Variants in NEO1 observed in about 807,000 individuals in gnomAD.
NEO1 encodes neogenin.
In NEO1, 63 loss-of-function variants were observed where a neutral mutation model predicts 159.7. The observed-to-expected ratio is 0.39, with a 90% CI of 0.32 to 0.49. The LOEUF (loss-of-function observed/expected upper bound fraction) is 0.49. Among genes scored for constraint, NEO1 ranks in the 20% least tolerant of loss-of-function variants. The pLI is 0.85. For missense variants in NEO1, 1,615 were observed against 1,831.0 expected (o/e 0.88, Z 2.15); for synonymous variants, 633 against 662.0 (o/e 0.96, Z 0.67).
intron 5 of NEO1, among the ~76,000 whole-genome samples, chr15:73,137,343 C>G (rs2031875806): frequency 6.6e-6 from 1 of 151,942 alleles, no homozygotes; most frequent in African/African-American, 2.4e-5. Flanking sequence ...AATATAAACA[C>G]AGAACCAAAT....
chr15:73,215,845 T>C (rs1450342749), intron 7 of NEO1, among the ~76,000 whole-genome samples: 1 of 152,176 alleles, frequency 6.6e-6, no homozygotes, highest in East Asian at 1.9e-4. Context: ...TGGAATAGTG[T>C]CAAAAGGATT....
chr15:73,216,416 G>A (rs191721067), intron 7 of NEO1, among the ~76,000 whole-genome samples: 10 of 151,918 alleles, frequency 6.6e-5, no homozygotes, highest in South Asian at 4.1e-4. Flanking sequence ...TCTTTATAGC[G>A]GCATGATTTA....
At chr15:73,288,149 C>T (rs191293093) in intron 23 of NEO1, among the ~76,000 whole-genome samples, 164 bp from the exon 24 acceptor site, 1 of 151,844 alleles carries the variant, frequency 6.6e-6, no homozygotes, top group Non-Finnish European at 1.5e-5. Context: ...CAGGAGCAAA[C>T]TTGTTGTTGT....
chr15:73,216,655 G>A (rs1166070461), intron 7 of NEO1, among the ~76,000 whole-genome samples: 4 of 152,006 alleles, frequency 2.6e-5, no homozygotes, highest in African/African-American at 2.4e-5. Flanking sequence ...TCTCATTGTG[G>A]TTTTGATTTG....
intron 7 of NEO1, among the ~76,000 whole-genome samples, chr15:73,199,831 C>T (rs1382780): frequency 0.095 from 14,397 of 152,166 alleles, 909 homozygotes; most frequent in African/African-American, 0.17. Context: ...TGCCTTATTG[C>T]TCCACCCTAT....
At chr15:73,075,839 A>G (rs1310827642) in intron 1 of NEO1, among the ~76,000 whole-genome samples, 2 of 152,218 alleles carry the variant, frequency 1.3e-5, no homozygotes, top group Non-Finnish European at 2.9e-5. Context: ...AAGACCCCCA[A>G]GATCATCTGC....
intron 23 of NEO1, among the ~76,000 whole-genome samples, chr15:73,285,565 G>A (rs1007032631): frequency 2.0e-5 from 3 of 152,028 alleles, no homozygotes; most frequent in Non-Finnish European, 2.9e-5. Context: ...ATTGACTGTT[G>A]AAAAATATAA....
intron 7 of NEO1, among the ~76,000 whole-genome samples, chr15:73,230,115 A>G (rs1210421521): frequency 2.0e-5 from 3 of 152,144 alleles, no homozygotes; most frequent in Non-Finnish European, 2.9e-5. Flanking sequence ...TTTGTGAAGG[A>G]TTAGTATTAT....
chr15:73,179,280 G>C (rs1353960140), intron 7 of NEO1, among the ~76,000 whole-genome samples: 2 of 152,134 alleles, frequency 1.3e-5, no homozygotes, highest in Admixed American at 6.5e-5. Flanking sequence ...CAACCCCTAG[G>C]TCTGAGATAG....
chr15:73,254,561 T>C, intron 12 of NEO1, 121 bp from the exon 13 acceptor site: 1 of 974,110 alleles, frequency 1.0e-6, no homozygotes, highest in Non-Finnish European at 1.5e-6. Context: ...TGTAAAACTC[T>C]GAGTACCTTG....
chr15:73,108,160 A>G (rs894439371), intron 1 of NEO1, among the ~76,000 whole-genome samples: 2 of 152,232 alleles, frequency 1.3e-5, no homozygotes, highest in African/African-American at 4.8e-5. Flanking sequence ...GCTAAAGTAT[A>G]GCTAAATATG....
chr15:73,262,983 A>G (rs1305942431), intron 15 of NEO1, among the ~76,000 whole-genome samples: 3 of 152,154 alleles, frequency 2.0e-5, no homozygotes. Context: ...GAATTTATCT[A>G]TAGTGACAAA....
chr15:73,244,331 C>A lies in NEO1; in HGVS notation c.1452-13C>A, dbSNP rs1275841884. The A allele has an allele frequency of 6.2e-7, 1 of 1,608,842 alleles. No individual in the cohort carries two copies. Among genetic ancestry groups the A allele is most frequent in the Admixed American group, 1.7e-5 (1 of 59,314 alleles). ...TAATTAATGCTATCTCTCTCCAAAT[C>A]CTTTGTCTAAAGGGAACGTGTTGAG... On this transcript the variant is annotated splice_polypyrimidine_tract_variant and intron_variant, in intron 8 of 28. Transcript: ENST00000261908.
chr15:73,165,902 T>G (rs1410491145), intron 5 of NEO1, among the ~76,000 whole-genome samples: 2 of 152,208 alleles, frequency 1.3e-5, no homozygotes, highest in African/African-American at 4.8e-5. Context: ...TCCATATCGC[T>G]TTGTTCCCCT....
chr15:73,268,824 G>A (rs551006846), intron 16 of NEO1, among the ~76,000 whole-genome samples: 1 of 152,182 alleles, frequency 6.6e-6, no homozygotes, highest in African/African-American at 2.4e-5. Context: ...GGTGTCTGTT[G>A]TATATGGCAC....
At chr15:73,217,700 TG>T in intron 7 of NEO1, among the ~76,000 whole-genome samples, 1 of 152,170 alleles carries the variant, frequency 6.6e-6, no homozygotes, top group East Asian at 1.9e-4. Context: ...CAATTGTGAA[TG>T]GGAGTTCACT....
chr15:73,144,501 CTCTTTT>C (rs1407808906), intron 5 of NEO1, among the ~76,000 whole-genome samples: 4 of 152,206 alleles, frequency 2.6e-5, no homozygotes, highest in African/African-American at 9.6e-5. Context: ...CATGCTGTTT[CTCTTTT>C]TATTTCTTTG....
At chr15:73,065,817 T>C (rs993597554) in intron 1 of NEO1, among the ~76,000 whole-genome samples, 5 of 152,160 alleles carry the variant, frequency 3.3e-5, no homozygotes, top group African/African-American at 1.2e-4. Context: ...CATTAGAATT[T>C]AGTTCACTTA....
intron 1 of NEO1, among the ~76,000 whole-genome samples, chr15:73,085,875 T>C (rs998926395): frequency 1.3e-4 from 20 of 152,174 alleles, no homozygotes; most frequent in Admixed American, 1.1e-3. Context: ...GTTAATAATT[T>C]GCAAATATTT....
Sources: gnomAD v4.1 joint callset for allele counts (sites outside exome capture counted in the v4.1 genomes callset) on GRCh38, gnomAD v4.1.1 for gene constraint, MANE v1.5 for transcripts, NCBI Gene and HGNC (gene_info 2026-07-23, HGNC 2026-07-21) for gene names.